LOC128462377: variants seen among roughly 807,000 people sequenced by gnomAD.
the LOC128462377 span, among the ~76,000 whole-genome samples, chr16:89,349,904 ACACACACATATT>A: frequency 1.5e-5 from 2 of 134,312 alleles, no homozygotes; most frequent in African/African-American, 6.0e-5. Context: ...ACACACACAC[ACACACACATATT>A]CAAACAACAA....
the LOC128462377 span, among the ~76,000 whole-genome samples, chr16:89,338,974 CA>C: frequency 6.0e-4 from 92 of 152,094 alleles, no homozygotes; most frequent in Non-Finnish European, 1.6e-4. Context: ...TCCTTTCCCT[CA>C]AAGTCACCAC....
At chr16:89,384,114 G>C in the LOC128462377 span, among the ~76,000 whole-genome samples, 1 of 152,196 alleles carries the variant, frequency 6.6e-6, no homozygotes, top group African/African-American at 2.4e-5. Context: ...CAGCTACTCA[G>C]GAGGCCGAGG....
chr16:89,408,594 G>A, the LOC128462377 span, among the ~76,000 whole-genome samples: 4 of 152,300 alleles, frequency 2.6e-5, no homozygotes, highest in South Asian at 4.1e-4. Flanking sequence ...CACACACTCA[G>A]ACCCTCAGGA....
the LOC128462377 span, among the ~76,000 whole-genome samples, chr16:89,396,432 G>A: frequency 8.5e-5 from 13 of 152,150 alleles, no homozygotes; most frequent in Admixed American, 5.2e-4. Flanking sequence ...TGCTGGAAAC[G>A]CTCACAGCAC....
chr16:89,330,731 C>A, the LOC128462377 span, among the ~76,000 whole-genome samples: 2 of 147,492 alleles, frequency 1.4e-5, no homozygotes, highest in Non-Finnish European at 3.0e-5. Context: ...GGCTTCACTT[C>A]CACCTCATCC....
chr16:89,403,348 G>A, the LOC128462377 span, among the ~76,000 whole-genome samples: 6 of 152,098 alleles, frequency 3.9e-5, no homozygotes, highest in Admixed American at 2.0e-4. Context: ...CCCCAGCACC[G>A]CGTGGAAGAA....
At chr16:89,338,929 G>A in the LOC128462377 span, among the ~76,000 whole-genome samples, 39 of 152,122 alleles carry the variant, frequency 2.6e-4, no homozygotes, top group African/African-American at 8.7e-4. Flanking sequence ...ATATAAATGC[G>A]TAATTTAAAC....
chr16:89,383,358 A>G, the LOC128462377 span, among the ~76,000 whole-genome samples: 2 of 152,146 alleles, frequency 1.3e-5, no homozygotes, highest in East Asian at 3.8e-4. Flanking sequence ...CCCCATACCA[A>G]CGCTGACCTC....
At chr16:89,340,633 C>A in the LOC128462377 span, among the ~76,000 whole-genome samples, 1 of 152,210 alleles carries the variant, frequency 6.6e-6, no homozygotes, top group East Asian at 1.9e-4. Context: ...GTACTTTGCA[C>A]ATCATCTTTT....
chr16:89,338,026 T>C, the LOC128462377 span, among the ~76,000 whole-genome samples: 1 of 152,092 alleles, frequency 6.6e-6, no homozygotes, highest in South Asian at 2.1e-4. Context: ...CTGGTGCCAG[T>C]ATCATGGTGA....
the LOC128462377 span, among the ~76,000 whole-genome samples, chr16:89,402,489 G>A: frequency 1.4e-4 from 21 of 151,960 alleles, no homozygotes; most frequent in Non-Finnish European, 2.6e-4. Context: ...AGAGCATCCT[G>A]GGAATGACAG....
At chr16:89,339,319 T>A in the LOC128462377 span, among the ~76,000 whole-genome samples, 1 of 151,500 alleles carries the variant, frequency 6.6e-6, no homozygotes, top group Non-Finnish European at 1.5e-5. Context: ...ACCAAAGGAG[T>A]AAGAGAGGCC....
the LOC128462377 span, among the ~76,000 whole-genome samples, chr16:89,415,058 C>G: frequency 7.5e-4 from 114 of 152,008 alleles, no homozygotes; most frequent in Admixed American, 1.5e-3. Context: ...GATCCTTCCT[C>G]CCCGCTCAGC....
the LOC128462377 span, among the ~76,000 whole-genome samples, chr16:89,353,441 AGAG>A: frequency 2.0e-5 from 3 of 152,192 alleles, no homozygotes; most frequent in Non-Finnish European, 4.4e-5. Flanking sequence ...ACCAGCAGTA[AGAG>A]GAACACCAGT....
At chr16:89,356,809 A>G in the LOC128462377 span, among the ~76,000 whole-genome samples, 152 of 152,040 alleles carry the variant, frequency 1.0e-3, no homozygotes, top group Non-Finnish European at 1.8e-3. Context: ...AAAAGAAAAA[A>G]AAAGAACGTA....
At chr16:89,406,394 G>A in the LOC128462377 span, among the ~76,000 whole-genome samples, 2 of 152,188 alleles carry the variant, frequency 1.3e-5, no homozygotes, top group Non-Finnish European at 2.9e-5. Flanking sequence ...CAAAACACCA[G>A]CCGGCGCGCT....
the LOC128462377 span, among the ~76,000 whole-genome samples, chr16:89,356,840 C>T: frequency 6.6e-6 from 1 of 151,658 alleles, no homozygotes; most frequent in Non-Finnish European, 1.5e-5. Context: ...TTTGGGGACC[C>T]CAAAAGGATA....
At chr16:89,386,761 T>A in the LOC128462377 span, among the ~76,000 whole-genome samples, 6 of 152,178 alleles carry the variant, frequency 3.9e-5, no homozygotes, top group Admixed American at 6.5e-5. Context: ...CAATCCAAAA[T>A]AGCACTGTAG....
the LOC128462377 span, among the ~76,000 whole-genome samples, chr16:89,387,742 C>T: frequency 6.7e-6 from 1 of 148,828 alleles, no homozygotes; most frequent in African/African-American, 2.5e-5. Context: ...GTAGCTTGCG[C>T]CTGTAATCCC....
Sources: gnomAD v4.1 joint callset for allele counts (sites outside exome capture counted in the v4.1 genomes callset) on GRCh38, gnomAD v4.1.1 for gene constraint, MANE v1.5 for transcripts.